Variants in THOC2 observed in about 807,000 individuals in gnomAD.
The protein encoded by THOC2 is THO complex subunit 2, also known as THO complex 2.
Under a neutral mutation model 128.4 loss-of-function variants are expected in THOC2, and 10 were observed. That is an observed-to-expected ratio of 0.08 (90% CI 0.05 to 0.13). THOC2 has a LOEUF of 0.13. THOC2 is among the 10% of genes least tolerant of loss of function. The pLI is 1.00. For missense variants in THOC2, 535 were observed against 1,155.7 expected, an observed-to-expected ratio of 0.46 and a Z score of 7.79; for synonymous variants, 393 against 396.9, an observed-to-expected ratio of 0.99 and a Z score of 0.12.
intron 38 of THOC2, among the ~76,000 whole-genome samples, chrX:123,609,640 CTTAA>C (rs756584756): frequency 1.8e-4 from 20 of 111,575 alleles, no homozygotes; most frequent in East Asian, 2.8e-4. Flanking sequence ...AGCAAGGATA[CTTAA>C]TTAATTAATA....
intron 16 of THOC2, among the ~76,000 whole-genome samples, chrX:123,639,873 CT>C (rs1430304554): frequency 8.9e-6 from 1 of 112,164 alleles, no homozygotes; most frequent in African/African-American, 3.2e-5. Flanking sequence ...AGTCTAGTCT[CT>C]CTCATATGTT....
At chrX:123,610,869 C>T (rs1383655480) in intron 38 of THOC2, 49 bp downstream of exon 38, 2 of 1,070,165 alleles carry the variant, frequency 1.9e-6, no homozygotes, top group African/African-American at 3.7e-5. Flanking sequence ...TATCAGAACT[C>T]ATTTTATGTT....
chrX:123,659,422 G>A (rs1244399188), intron 12 of THOC2, among the ~76,000 whole-genome samples: 1 of 112,309 alleles, frequency 8.9e-6, no homozygotes, highest in Non-Finnish European at 1.9e-5. Context: ...AGTACAAAAA[G>A]TAGCTGGGCA....
At position 123,633,117 on chromosome X, in the gene THOC2, T is replaced by C; in HGVS notation, c.2137-77A>G. The C allele has an allele frequency of 3.8e-6, 3 of 785,544 alleles. No individual in the cohort carries two copies. In the Middle Eastern group the frequency reaches 1.2e-3, roughly 303 times the overall value. 64.7% of individuals were successfully genotyped at this position (785,544 alleles called of 1,213,427 possible). ...AATTTGAAAAAGACACAGAAAAAAGTTGAGTTAAAATGCTTAATATAAAAA... is the reference window on the plus strand; with the variant it reads ...AATTTGAAAAAGACACAGAAAAAAGCTGAGTTAAAATGCTTAATATAAAAA... On this transcript the variant is annotated intron_variant, in intron 20 of 38. Coordinates refer to ENST00000245838, the MANE Select transcript of THOC2 (RefSeq NM_001081550.2).
In THOC2 at chrX:123,722,504, T is replaced by C. The variant is rs151013075; in HGVS notation, c.72-9596A>G. Among the ~76,000 whole-genome samples the C allele has an allele frequency of 6.5e-3, 717 of 109,498 alleles. 3 individuals carry two copies. The highest frequency in any genetic ancestry group is 0.01 in the Non-Finnish European group (535 of 52,586). On this transcript the variant is annotated intron_variant, in intron 1 of 38. Transcript: ENST00000245838. ...AACACCACATGTTCTCACTCATAAG[T>C]GAGAGCTGAACAATGAGAACACATG...
chrX:123,685,893 T>C (rs1243798201), intron 8 of THOC2, among the ~76,000 whole-genome samples: 1 of 111,392 alleles, frequency 9.0e-6, no homozygotes, highest in Non-Finnish European at 1.9e-5. Flanking sequence ...AGCCATTGTT[T>C]ATAAAACAAA....
intron 4 of THOC2, among the ~76,000 whole-genome samples, chrX:123,701,790 A>G (rs927844619): frequency 3.6e-5 from 4 of 111,562 alleles, no homozygotes; most frequent in Non-Finnish European, 7.5e-5. Context: ...TACCATGAAC[A>G]TATACTCTAT....
At chrX:123,640,665 A>G in intron 15 of THOC2, 43 bp from the exon 16 acceptor site, 1 of 781,201 alleles carries the variant, frequency 1.3e-6, no homozygotes. Context: ...CTTAAGTAAC[A>G]TTCCTTGTAA....
intron 7 of THOC2, among the ~76,000 whole-genome samples, chrX:123,691,645 A>C (rs1309208961): frequency 1.8e-5 from 2 of 111,932 alleles, no homozygotes; most frequent in Non-Finnish European, 3.8e-5. Context: ...CCAGGCAACA[A>C]ATGAAGGTCT....
intron 2 of THOC2, among the ~76,000 whole-genome samples, chrX:123,709,363 G>A (rs1313765850): frequency 9.0e-6 from 1 of 110,933 alleles, no homozygotes; most frequent in African/African-American, 3.3e-5. Context: ...AGGCTGAGGC[G>A]GGCGGATCAC....
intron 36 of THOC2, 76 bp downstream of exon 36, chrX:123,613,323 A>C: frequency 9.5e-7 from 1 of 1,056,761 alleles, no homozygotes; most frequent in Non-Finnish European, 1.3e-6. Context: ...CTAGGAAAAA[A>C]ATTCAATATT....
rs774493443 is a variant in THOC2, at chrX:123,634,049, T to C, written c.2040A>G (p.Lys680=). 8.4e-7 allele frequency: 1 copy of C among 1,189,237 alleles called. No homozygotes were observed. The highest frequency in any genetic ancestry group is 3.0e-5 in the East Asian group (1 of 33,604). Reference sequence around the variant, plus strand: ...TTCCTGCCATTTTTTGTACCACTTCTTTCAATATAAGCAGGTCAAAACTAT... The same window carrying C: ...TTCCTGCCATTTTTTGTACCACTTCCTTCAATATAAGCAGGTCAAAACTAT... The part of the protein sequence containing the change: ...AGKSFDLLIL[K]EVVQKMAGIE... Residue 680 remains lysine (K), a synonymous_variant, in exon 20 of 39, where the codon AAA becomes AAG. Coordinates refer to ENST00000245838, the MANE Select transcript of THOC2 (RefSeq NM_001081550.2).
intron 15 of THOC2, among the ~76,000 whole-genome samples, chrX:123,643,732 G>GAA (rs771514961): frequency 2.4e-5 from 2 of 83,241 alleles, no homozygotes. Flanking sequence ...AGGCTCACAG[G>GAA]AAAAAAAAAA....
intron 15 of THOC2, among the ~76,000 whole-genome samples, chrX:123,643,959 T>C (rs2048027327): frequency 8.9e-6 from 1 of 112,345 alleles, no homozygotes; most frequent in Non-Finnish European, 1.9e-5. Context: ...TGAAAACACT[T>C]GCAATACAGC....
intron 1 of THOC2, 56 bp downstream of exon 1, chrX:123,732,896 C>T: frequency 8.9e-7 from 1 of 1,120,287 alleles, no homozygotes; most frequent in South Asian, 1.8e-5. Context: ...GGTGAGAGTG[C>T]AGCTGACGCC....
chrX:123,698,240 A>T (rs1231744124), intron 4 of THOC2, among the ~76,000 whole-genome samples: 2 of 111,243 alleles, frequency 1.8e-5, no homozygotes, highest in African/African-American at 6.5e-5. Context: ...CGGGCGGATC[A>T]TGAGGTCAGG....
At chrX:123,653,169 G>A (rs967605826) in intron 12 of THOC2, among the ~76,000 whole-genome samples, 2 of 111,886 alleles carry the variant, frequency 1.8e-5, no homozygotes, top group Non-Finnish European at 3.8e-5. Context: ...ACAAGCAATG[G>A]GGAAAGGATC....
chrX:123,717,786 C>T (rs2051494772), intron 1 of THOC2, among the ~76,000 whole-genome samples: 1 of 111,670 alleles, frequency 9.0e-6, no homozygotes, highest in Non-Finnish European at 1.9e-5. Flanking sequence ...TACAGTTGGC[C>T]CTCTGTATCC....
intron 1 of THOC2, among the ~76,000 whole-genome samples, chrX:123,722,015 G>A (rs2051723292): frequency 9.0e-6 from 1 of 111,578 alleles, no homozygotes; most frequent in Non-Finnish European, 1.9e-5. Flanking sequence ...TTAAGACATG[G>A]GTCTTTCACA....
Sources: allele counts gnomAD v4.1 joint callset (sites outside exome capture counted in the v4.1 genomes callset), GRCh38; gene constraint gnomAD v4.1.1; transcripts MANE v1.5; gene names NCBI Gene and HGNC (gene_info 2026-07-23, HGNC 2026-07-21).